TAFA1: variants seen among roughly 807,000 people sequenced by gnomAD.
The protein encoded by TAFA1 is TAFA chemokine like family member 1, also known as chemokine-like protein TAFA-1.
In TAFA1, 4 loss-of-function variants were observed where a neutral mutation model predicts 18.5. The ratio of observed to expected loss-of-function variants is 0.22; its 90% CI spans 0.11 to 0.49. The LOEUF is 0.49. TAFA1 is among the 20% of genes least tolerant of loss of function. The pLI is 0.98. For synonymous variants in TAFA1, 56 were observed against 55.2 expected (o/e 1.01, Z -0.06); for missense variants, 147 against 169.0 (o/e 0.87, Z 0.72).
At chr3:68,092,889 C>A (rs2065045306) in intron 2 of TAFA1, among the ~76,000 whole-genome samples, 1 of 152,104 alleles carries the variant, frequency 6.6e-6, no homozygotes, top group African/African-American at 2.4e-5. Flanking sequence ...CACTACAACT[C>A]CGTTAGCTTT....
At chr3:68,540,887 CAT>C (rs1199287047) in intron 4 of TAFA1, among the ~76,000 whole-genome samples, 1 of 152,164 alleles carries the variant, frequency 6.6e-6, no homozygotes, top group African/African-American at 2.4e-5. Flanking sequence ...AACCATCAGG[CAT>C]GTTGCAGATG....
chr3:68,206,653 C>G (rs2066529920), intron 2 of TAFA1, among the ~76,000 whole-genome samples: 1 of 151,910 alleles, frequency 6.6e-6, no homozygotes, highest in African/African-American at 2.4e-5. Context: ...GAGCTCTGCT[C>G]TCATTTGGAT....
chr3:67,995,256 T>G, the TAFA1 span, among the ~76,000 whole-genome samples: 7 of 152,126 alleles, frequency 4.6e-5, no homozygotes, highest in Non-Finnish European at 1.0e-4. Context: ...TGCTGTACAT[T>G]TTTGTTTTAA....
chr3:68,411,851 A>G (rs2070725128), intron 2 of TAFA1, among the ~76,000 whole-genome samples: 1 of 152,158 alleles, frequency 6.6e-6, no homozygotes, highest in Non-Finnish European at 1.5e-5. Flanking sequence ...GAAAGAGTAA[A>G]TTGCTCCGTT....
chr3:68,488,076 C>T (rs2072380653), intron 3 of TAFA1, among the ~76,000 whole-genome samples: 1 of 152,104 alleles, frequency 6.6e-6, no homozygotes, highest in African/African-American at 2.4e-5. Flanking sequence ...ATGTATTAGC[C>T]AGGGTTCTCT....
chr3:68,269,712 A>G (rs552442464), intron 2 of TAFA1, among the ~76,000 whole-genome samples: 14 of 152,082 alleles, frequency 9.2e-5, no homozygotes, highest in Admixed American at 3.3e-4. Context: ...ACCAGAGGCC[A>G]GGAGTTTGAG....
chr3:68,404,561 A>T (rs2070561269), intron 2 of TAFA1, among the ~76,000 whole-genome samples: 1 of 152,100 alleles, frequency 6.6e-6, no homozygotes, highest in African/African-American at 2.4e-5. Context: ...GCACTTTGGG[A>T]GGCCGAAGTG....
intron 3 of TAFA1, among the ~76,000 whole-genome samples, chr3:68,531,737 C>T (rs1437302610): frequency 2.6e-5 from 4 of 152,054 alleles, no homozygotes; most frequent in East Asian, 1.9e-4. Context: ...CTTTCCCTGG[C>T]GCTGGTTGTG....
chr3:68,269,898 A>T lies in TAFA1; in HGVS notation c.119-147382A>T, dbSNP rs780162408. Among the ~76,000 whole-genome samples the T allele has an allele frequency of 2.8e-4, 42 of 152,176 alleles. 1 individual carries two copies. Among genetic ancestry groups the T allele is most frequent in the Non-Finnish European group, 1.0e-4 (7 of 68,030 alleles). On this transcript the variant is annotated intron_variant, in intron 2 of 4. Transcript: ENST00000478136. The stretch of plus-strand genomic sequence containing the variant: ...ATACAAGCTTTATATGACTCTATGC[A>T]TGTTGTAACTTTTCAGTTCTACCTT...
intron 2 of TAFA1, among the ~76,000 whole-genome samples, chr3:68,162,179 G>A (rs556205144): frequency 3.9e-5 from 6 of 152,034 alleles, no homozygotes; most frequent in African/African-American, 9.7e-5. Context: ...AGGATCAAAG[G>A]TTCCTCAACT....
At chr3:68,516,506 T>G (rs1307612222) in intron 3 of TAFA1, among the ~76,000 whole-genome samples, 1 of 152,190 alleles carries the variant, frequency 6.6e-6, no homozygotes, top group Non-Finnish European at 1.5e-5. Flanking sequence ...GTTTCCTTTG[T>G]GTATATTTTC....
intron 2 of TAFA1, among the ~76,000 whole-genome samples, chr3:68,395,121 A>T (rs1031122641): frequency 4.6e-5 from 7 of 152,212 alleles, no homozygotes; most frequent in Non-Finnish European, 8.8e-5. Flanking sequence ...AACCCCATCA[A>T]AAATGGCCAA....
chr3:68,169,480 G>A (rs746103783), intron 2 of TAFA1, among the ~76,000 whole-genome samples: 7 of 152,210 alleles, frequency 4.6e-5, no homozygotes, highest in Non-Finnish European at 8.8e-5. Flanking sequence ...AAACCATGCA[G>A]CAATAGCTGC....
chr3:68,224,155 T>G (rs994576048), intron 2 of TAFA1, among the ~76,000 whole-genome samples: 2 of 151,984 alleles, frequency 1.3e-5, no homozygotes, highest in Non-Finnish European at 2.9e-5. Context: ...TTAGAAAGAT[T>G]TAAATGCATG....
At chr3:68,539,566 A>G (rs904023975) in intron 4 of TAFA1, among the ~76,000 whole-genome samples, 1 of 151,730 alleles carries the variant, frequency 6.6e-6, no homozygotes, top group African/African-American at 2.4e-5. Context: ...TAGTAATTAT[A>G]TATCCACTAA....
chr3:68,021,094 G>A (rs1329201703), intron 2 of TAFA1, among the ~76,000 whole-genome samples: 30 of 139,382 alleles, frequency 2.2e-4, no homozygotes, highest in African/African-American at 2.6e-5. Context: ...GCTGAGATGA[G>A]AGAATTGCTT....
chr3:68,201,639 A>G (rs972615878), intron 2 of TAFA1, among the ~76,000 whole-genome samples: 7 of 151,862 alleles, frequency 4.6e-5, no homozygotes, highest in South Asian at 4.1e-4. Context: ...GTCTCTCTTT[A>G]TCCTTGGTAA....
chr3:68,530,069 C>T (rs1446725125), intron 3 of TAFA1, among the ~76,000 whole-genome samples: 1 of 152,212 alleles, frequency 6.6e-6, no homozygotes, highest in Non-Finnish European at 1.5e-5. Flanking sequence ...CTGATCTAAA[C>T]TGTCATCTTT....
chr3:68,259,075 A>T (rs2067355945), intron 2 of TAFA1, among the ~76,000 whole-genome samples: 1 of 152,122 alleles, frequency 6.6e-6, no homozygotes, highest in Non-Finnish European at 1.5e-5. Flanking sequence ...ACAGATGCTG[A>T]CTCAGTGAGT....
Sources: gnomAD v4.1 joint callset for allele counts (sites outside exome capture counted in the v4.1 genomes callset) on GRCh38, gnomAD v4.1.1 for gene constraint, MANE v1.5 for transcripts, NCBI Gene and HGNC (gene_info 2026-07-23, HGNC 2026-07-21) for gene names.